BTBD8: variants seen among roughly 807,000 people sequenced by gnomAD.
BTBD8 encodes BTB domain containing 8.
In BTBD8, 110 loss-of-function variants were observed where a neutral mutation model predicts 162.9. The ratio of observed to expected loss-of-function variants is 0.68; its 90% confidence interval spans 0.58 to 0.79. The LOEUF is 0.79. Ranked by LOEUF, BTBD8 falls within the 30% of genes least tolerant of loss-of-function variation. The pLI is 0.00. For synonymous variants in BTBD8, 667 were observed against 716.1 expected (o/e 0.93, Z 1.10); for missense variants, 1,905 against 2,085.4 (o/e 0.91, Z 1.68).
In BTBD8 at chr1:92,181,283, G is replaced by A; in HGVS notation, c.3600G>A (p.Lys1200=). Residue 1200 remains lysine (K), a synonymous_variant, in exon 17 of 18, where the codon AAG becomes AAA. Transcript: ENST00000636805. ...HATADSDVSS[K]CFSGQLSEKN... The stretch of plus-strand genomic sequence containing the variant: ...CAGCAGACTCAGATGTATCTTCCAA[G>A]TGTTTTTCGGGACAGCTATCAGAAA... 6.4e-7 allele frequency: 1 copy of A among 1,551,614 alleles called. No homozygotes were observed.
intron 4 of BTBD8, among the ~76,000 whole-genome samples, chr1:92,121,833 A>AT (rs1051523668): frequency 1.3e-5 from 2 of 148,724 alleles, no homozygotes; most frequent in Non-Finnish European, 3.0e-5. Flanking sequence ...TTGCCCATTT[A>AT]TTTTTTTATT....
intron 17 of BTBD8, among the ~76,000 whole-genome samples, chr1:92,183,040 AGATT>A (rs1361108968): frequency 7.9e-5 from 12 of 152,122 alleles, no homozygotes; most frequent in African/African-American, 2.4e-4. Flanking sequence ...TTTAACAACT[AGATT>A]GATTATTACA....
Position 92,177,464 on chromosome 1 carries a change from T to G in BTBD8, c.2271T>G (p.Pro757=). 3 of 1,551,614 alleles carry G rather than the reference T, an allele frequency of 1.9e-6. No homozygotes were observed. Among genetic ancestry groups the G allele is most frequent in the Non-Finnish European group, 2.6e-6 (3 of 1,147,012 alleles). ...KENGSTEEEK[P]SGHKLSFCDS... is the part of the protein sequence containing the mutation. Reference sequence around the variant, plus strand: ...ATGGATCAACAGAAGAAGAAAAGCCTTCTGGACATAAACTATCCTTTTGTG... The same window carrying G: ...ATGGATCAACAGAAGAAGAAAAGCCGTCTGGACATAAACTATCCTTTTGTG... The change falls in exon 14 of 18, where the codon CCT becomes CCG. Residue 757 remains proline (P), a synonymous_variant. Coordinates refer to ENST00000636805, the MANE Select transcript of BTBD8 (RefSeq NM_001376131.1).
intron 7 of BTBD8, among the ~76,000 whole-genome samples, chr1:92,143,969 C>CTTTTTTTTTTTTT (rs935357789): frequency 9.7e-6 from 1 of 103,212 alleles, no homozygotes; most frequent in African/African-American, 3.7e-5. Flanking sequence ...ACTTTTAGTT[C>CTTTTTTTTTTTTT]TTTTTTTTTT....
At chr1:92,147,141 T>C in intron 7 of BTBD8, 39 bp from the exon 8 acceptor site, 1 of 1,468,888 alleles carries the variant, frequency 6.8e-7, no homozygotes, top group South Asian at 1.3e-5. Context: ...GCTTTGTAAA[T>C]TGAAAAGGAA....
intron 5 of BTBD8, among the ~76,000 whole-genome samples, chr1:92,130,734 G>C (rs1293142438): frequency 6.6e-6 from 1 of 151,450 alleles, no homozygotes; most frequent in African/African-American, 2.4e-5. Context: ...AGTCTCATTC[G>C]GTCACCCAGG....
chr1:92,084,355 G>A (rs1570710253), intron 1 of BTBD8, among the ~76,000 whole-genome samples: 1 of 152,162 alleles, frequency 6.6e-6, no homozygotes, highest in Admixed American at 6.5e-5. Flanking sequence ...GACCCTGTAT[G>A]GTGGATGTAC....
In BTBD8 at chr1:92,110,255, T is replaced by C. The variant is rs546465538; in HGVS notation, c.662+2254T>C. Among the ~76,000 whole-genome samples the C allele has an allele frequency of 4.6e-4, 70 of 152,332 alleles. 1 individual carries two copies. The highest frequency in any genetic ancestry group is 9.6e-4 in the East Asian group (5 of 5,186). On this transcript the variant is annotated intron_variant, in intron 4 of 17. Coordinates refer to ENST00000636805, the MANE Select transcript of BTBD8 (RefSeq NM_001376131.1). Reference sequence around the variant, plus strand: ...TTCTAACAGAGTGGTTAAGAGTGTGTGGACTGTGGGGACAATCTGCATGCG... The same window carrying C: ...TTCTAACAGAGTGGTTAAGAGTGTGCGGACTGTGGGGACAATCTGCATGCG...
At chr1:92,112,819 A>G (rs1648936055) in intron 4 of BTBD8, among the ~76,000 whole-genome samples, 1 of 152,168 alleles carries the variant, frequency 6.6e-6, no homozygotes, top group African/African-American at 2.4e-5. Flanking sequence ...TAGATTCACC[A>G]CTCTGGATTT....
chr1:92,083,141 A>C (rs1159370096), intron 1 of BTBD8, among the ~76,000 whole-genome samples: 1 of 151,962 alleles, frequency 6.6e-6, no homozygotes, highest in Non-Finnish European at 1.5e-5. Context: ...GTCTCAAAAA[A>C]AAAAAAAAAA....
intron 2 of BTBD8, among the ~76,000 whole-genome samples, chr1:92,091,363 A>T (rs547832760): frequency 1.3e-5 from 2 of 152,128 alleles, no homozygotes; most frequent in Admixed American, 1.3e-4. Flanking sequence ...AGCCTGGGGA[A>T]CTGGGAGTCA....
At chr1:92,160,818 T>G (rs1305273631) in intron 9 of BTBD8, among the ~76,000 whole-genome samples, 4 of 152,146 alleles carry the variant, frequency 2.6e-5, no homozygotes, top group African/African-American at 9.7e-5. Flanking sequence ...TAAGACATGC[T>G]AGGTCCCATT....
intron 4 of BTBD8, among the ~76,000 whole-genome samples, chr1:92,120,114 A>G (rs898181355): frequency 4.7e-5 from 7 of 150,080 alleles, no homozygotes. Context: ...TCTAACTTGA[A>G]CTCCTGATCT....
At chr1:92,180,062 T>C (rs1325611791) in intron 16 of BTBD8, among the ~76,000 whole-genome samples, 1 of 152,202 alleles carries the variant, frequency 6.6e-6, no homozygotes, top group Non-Finnish European at 1.5e-5. Flanking sequence ...AGTCCCTCTA[T>C]ATTTTTAATT....
chr1:92,093,057 T>C (rs1648356593), intron 2 of BTBD8, among the ~76,000 whole-genome samples: 1 of 152,164 alleles, frequency 6.6e-6, no homozygotes, highest in Admixed American at 6.5e-5. Flanking sequence ...TTGCCTAACC[T>C]TGGCTACCTG....
At chr1:92,158,503 C>A in intron 9 of BTBD8, among the ~76,000 whole-genome samples, 2 of 152,104 alleles carry the variant, frequency 1.3e-5, no homozygotes, top group South Asian at 2.1e-4. Flanking sequence ...CTTCTCCCCC[C>A]ACACATACAC....
Position 92,177,212 on chromosome 1 carries a change from G to A in BTBD8, c.2019G>A (p.Lys673=). Residue 673 remains lysine, a synonymous_variant, in exon 14 of 18, where the codon AAG becomes AAA. Coordinates refer to ENST00000636805, the MANE Select transcript of BTBD8 (RefSeq NM_001376131.1). ...CAGCAGCAGCAGCAACTGGACAGAAGAATTTACTAAATGGAAAAGGAGTGA... is the reference window on the plus strand; with the variant it reads ...CAGCAGCAGCAGCAACTGGACAGAAAAATTTACTAAATGGAAAAGGAGTGA... ...ATAAAAATGQ[K]NLLNGKGVRN... is the part of the protein sequence containing the mutation. 6.4e-7 allele frequency: 1 copy of A among 1,551,988 alleles called. No individual in the cohort carries two copies.
At chr1:92,091,765 G>GT (rs1183043428) in intron 2 of BTBD8, among the ~76,000 whole-genome samples, 4 of 152,152 alleles carry the variant, frequency 2.6e-5, no homozygotes, top group Non-Finnish European at 5.9e-5. Context: ...AGAATTTAAT[G>GT]TTTTTATATT....
intron 2 of BTBD8, among the ~76,000 whole-genome samples, chr1:92,092,496 C>A (rs1490705644): frequency 2.6e-5 from 4 of 152,112 alleles, no homozygotes; most frequent in South Asian, 4.1e-4. Flanking sequence ...TGTCTGGAAG[C>A]CAGGAAGCCC....
Sources: gnomAD v4.1 joint callset for allele counts (sites outside exome capture counted in the v4.1 genomes callset) on GRCh38, gnomAD v4.1.1 for gene constraint, MANE v1.5 for transcripts, NCBI Gene and HGNC (gene_info 2026-07-23, HGNC 2026-07-21) for gene names.